Variants in RHEB observed in about 807,000 individuals in gnomAD.
RHEB encodes GTP-binding protein Rheb.
In RHEB, 2 loss-of-function variants were observed where a neutral mutation model predicts 28.8. That is an observed-to-expected ratio of 0.07 (90% CI 0.03 to 0.22). RHEB has a LOEUF of 0.22. Among genes scored for constraint, RHEB ranks in the 10% least tolerant of loss-of-function variants. The pLI, the probability that RHEB is intolerant of heterozygous loss-of-function variation, is 1.00. For missense variants in RHEB, 76 were observed against 219.9 expected (o/e 0.35, Z 4.14); for synonymous variants, 69 against 77.3 (o/e 0.89, Z 0.56).
In RHEB at chr7:151,472,539, A is replaced by G. The variant is rs1802180567; in HGVS notation, c.276-934T>C. ...ATTACAGGCGTGAGCCACCACACCCAGCCTCAAATGTCACTTCTTACACCT... is the reference window on the plus strand; with the variant it reads ...ATTACAGGCGTGAGCCACCACACCCGGCCTCAAATGTCACTTCTTACACCT... On this transcript the variant is annotated intron_variant, in intron 4 of 7. Transcript: ENST00000262187. The surrounding 1 kb of genome is among the most constrained non-coding windows in gnomAD (Gnocchi z 5.2). 6.6e-6 allele frequency among the ~76,000 whole-genome samples: 1 copy of G among 152,162 alleles called. No individual in the cohort carries two copies. Among genetic ancestry groups the G allele is most frequent in the Admixed American group, 6.5e-5 (1 of 15,282 alleles).
intron 1 of RHEB, among the ~76,000 whole-genome samples, chr7:151,495,385 T>C (rs1356283674): frequency 6.6e-6 from 1 of 152,200 alleles, no homozygotes; most frequent in Non-Finnish European, 1.5e-5. Context: ...ATACTCTTCC[T>C]CCAAACCAAA....
chr7:151,487,292 G>C (rs1802494341), intron 2 of RHEB, among the ~76,000 whole-genome samples: 1 of 152,190 alleles, frequency 6.6e-6, no homozygotes, highest in Non-Finnish European at 1.5e-5. Flanking sequence ...CAGAGTGAAA[G>C]ACCTTGTCAT....
intron 4 of RHEB, among the ~76,000 whole-genome samples, chr7:151,473,159 T>C (rs1184294733): frequency 6.6e-6 from 1 of 152,200 alleles, no homozygotes; most frequent in African/African-American, 2.4e-5. Context: ...GGAATGTCCC[T>C]TTTGCGGTTA....
At chr7:151,495,532 G>A (rs1227277296) in intron 1 of RHEB, among the ~76,000 whole-genome samples, 1 of 152,192 alleles carries the variant, frequency 6.6e-6, no homozygotes, top group Non-Finnish European at 1.5e-5. Flanking sequence ...ACTACAGAAG[G>A]TGTACTTTCA....
At chr7:151,470,353 C>T (rs941242378) in intron 7 of RHEB, 1 of 368,206 alleles carries the variant, frequency 2.7e-6, no homozygotes, top group African/African-American at 2.1e-5. Context: ...GTTTATCCTA[C>T]AAATATCCTA....
chr7:151,515,660 T>G (rs751928856), intron 1 of RHEB, among the ~76,000 whole-genome samples: 10 of 152,236 alleles, frequency 6.6e-5, no homozygotes, highest in Non-Finnish European at 7.3e-5. Context: ...CCTTTCAATT[T>G]TTCAATAAAA....
At chr7:151,469,537 C>T (rs1036062680) in intron 7 of RHEB, among the ~76,000 whole-genome samples, 2 of 152,110 alleles carry the variant, frequency 1.3e-5, no homozygotes, top group African/African-American at 4.8e-5. Context: ...GAGGCACCAC[C>T]CTACTATACT....
chr7:151,466,970 C>G lies in RHEB; in HGVS notation c.*149G>C. The G allele has an allele frequency of 1.6e-6, 1 of 609,114 alleles. No individual in the cohort carries two copies. 37.7% of individuals were successfully genotyped at this position (609,114 alleles called of 1,614,324 possible). A position where few individuals can be genotyped will look rare whatever the true frequency, so the allele number is the denominator to read the frequency against. On this transcript the variant is annotated 3_prime_UTR_variant, in exon 8 of 8. Coordinates refer to ENST00000262187, the MANE Select transcript of RHEB (RefSeq NM_005614.4). ...CTCATTTGGACAGACTCAGAGTTAA[C>G]ATAATCTGAAGGGAGGGGAGCTCTG...
At chr7:151,475,868 C>T (rs1332018717) in intron 4 of RHEB, among the ~76,000 whole-genome samples, 1 of 151,848 alleles carries the variant, frequency 6.6e-6, no homozygotes, top group African/African-American at 2.4e-5. Context: ...AAAATATAAA[C>T]CATAAAACAG....
intron 1 of RHEB, among the ~76,000 whole-genome samples, chr7:151,492,896 T>C (rs964352113): frequency 1.4e-5 from 2 of 146,838 alleles, no homozygotes; most frequent in Non-Finnish European, 3.0e-5. Flanking sequence ...TGGAGTGCAG[T>C]GGTGCAATCT....
chr7:151,489,770 G>C (rs758934874), intron 2 of RHEB, among the ~76,000 whole-genome samples: 1 of 152,198 alleles, frequency 6.6e-6, no homozygotes, highest in Non-Finnish European at 1.5e-5. Flanking sequence ...TCACATGCCA[G>C]ACATTATTCT....
At chr7:151,488,213 A>G (rs913174209) in intron 2 of RHEB, among the ~76,000 whole-genome samples, 3 of 152,254 alleles carry the variant, frequency 2.0e-5, no homozygotes, top group African/African-American at 4.8e-5. Context: ...GTACACTTGC[A>G]TAAGTAGTAC....
Position 151,472,638 on chromosome 7 carries a change from T to C in RHEB, c.276-1033A>G, listed in dbSNP as rs371406036. 6.6e-6 allele frequency among the ~76,000 whole-genome samples: 1 copy of C among 152,206 alleles called. No individual in the cohort carries two copies. The highest frequency in any genetic ancestry group is 2.4e-5 in the African/African-American group (1 of 41,444). On this transcript the variant is annotated intron_variant, in intron 4 of 7. Transcript: ENST00000262187. The surrounding 1 kb of genome is among the most constrained non-coding windows in gnomAD (Gnocchi z 5.2). ...CCGTACTTTATTTTTCTTGGCAGCA[T>C]GGTCACAGACATCCTATCTCGCATG...
At position 151,470,364 on chromosome 7, in the gene RHEB, G is replaced by T. The variant is rs555183540; in HGVS notation, c.462+207C>A. On this transcript the variant is annotated intron_variant, in intron 7 of 7. Coordinates refer to ENST00000262187, the MANE Select transcript of RHEB (RefSeq NM_005614.4). The stretch of plus-strand genomic sequence containing the variant: ...TTCTGTTTATCCTACAAATATCCTA[G>T]GTTCCACTGTAAGTAGAATACTGAC... 6 of 393,620 alleles carry T rather than the reference G, an allele frequency of 1.5e-5. No individual in the cohort carries two copies. The East Asian group carries it at 1.7e-4, about 11-fold the overall frequency. The allele number at this position is 393,620 out of a possible 1,614,324, so 24.4% of individuals were successfully genotyped here.
intron 1 of RHEB, among the ~76,000 whole-genome samples, chr7:151,497,793 G>A (rs894933212): frequency 4.6e-5 from 7 of 152,070 alleles, no homozygotes; most frequent in African/African-American, 1.7e-4. Flanking sequence ...CTATCCCCTT[G>A]TTCTCTAGAT....
chr7:151,480,397 A>C (rs1428703741), intron 3 of RHEB, among the ~76,000 whole-genome samples: 2 of 152,132 alleles, frequency 1.3e-5, no homozygotes, highest in South Asian at 2.1e-4. Context: ...AAAAAGGAAA[A>C]AAAACAAAAC....
In RHEB at chr7:151,470,088, C is replaced by T. The variant is rs138046541; in HGVS notation, c.462+483G>A. 1.3e-3 allele frequency among the ~76,000 whole-genome samples: 195 copies of T among 152,280 alleles called. 1 individual carries two copies. Among genetic ancestry groups the T allele is most frequent in the African/African-American group, 4.5e-3 (185 of 41,550 alleles). ...TTCCCAGAACATGCCTTTGAAGGCA[C>T]ATCTGCGGGGTGAAATTGGTACTAA... On this transcript the variant is annotated intron_variant, in intron 7 of 7. Transcript: ENST00000262187.
intron 4 of RHEB, among the ~76,000 whole-genome samples, chr7:151,473,433 A>G (rs1485568185): frequency 1.3e-5 from 2 of 152,218 alleles, no homozygotes; most frequent in African/African-American, 4.8e-5. Context: ...GCTCTGAGAG[A>G]CTGAAGCAGA....
chr7:151,502,228 CA>C (rs34312270), intron 1 of RHEB: 120,852 of 330,810 alleles, frequency 0.37, 9,434 homozygotes, highest in Admixed American at 0.41. Flanking sequence ...AGAGCTGTCT[CA>C]AAAAAAAAAA....
Sources: gnomAD v4.1 joint callset for allele counts (sites outside exome capture counted in the v4.1 genomes callset) on GRCh38, gnomAD v4.1.1 for gene constraint, Gnocchi (gnomAD v3.1) non-coding constraint, MANE v1.5 for transcripts, NCBI Gene and HGNC (gene_info 2026-07-23, HGNC 2026-07-21) for gene names.